The following XDH variants were observed in gnomAD, a reference collection of about 807,000 sequenced individuals.
XDH encodes the protein xanthine dehydrogenase/oxidase.
Under a neutral mutation model 156.1 loss-of-function variants are expected in XDH, and 138 were observed. The observed-to-expected ratio is 0.88, with a 90% CI of 0.77 to 1.02. XDH has a LOEUF of 1.02. XDH is among the 50% of genes least tolerant of loss of function. XDH has a pLI of 0.00. For synonymous variants in XDH, 669 were observed against 625.7 expected, an observed-to-expected ratio of 1.07 and a Z score of -1.03; for missense variants, 1,849 against 1,684.9, an observed-to-expected ratio of 1.10 and a Z score of -1.71.
rs563200407 is a variant in XDH, at chr2:31,347,083, G to C, written c.3277-240C>G. On this transcript the variant is annotated intron_variant, in intron 29 of 35. Transcript: ENST00000379416. ...CACTTCCTGACTCAATTCTTAGGCTGACAGAGGGCGAAATGTTTGAGGGAT... is the reference window on the plus strand; with the variant it reads ...CACTTCCTGACTCAATTCTTAGGCTCACAGAGGGCGAAATGTTTGAGGGAT... Among the ~76,000 whole-genome samples, 4 of 152,290 alleles carry C rather than the reference G, an allele frequency of 2.6e-5. No homozygotes were observed. In the East Asian group the frequency reaches 7.7e-4, roughly 29 times the overall value.
intron 17 of XDH, among the ~76,000 whole-genome samples, chr2:31,371,772 G>GAGC (rs1686078686): frequency 6.6e-6 from 1 of 152,062 alleles, no homozygotes; most frequent in Non-Finnish European, 1.5e-5. Flanking sequence ...TCCAAACTAG[G>GAGC]AGCAGCAGCA....
Position 31,388,222 on chromosome 2 carries a change from C to A in XDH, c.564+5G>T. ...AGGCTTCCAGGGGGAGAAGAACTCA[C>A]TTACTGAGTGGTCTTTCTTCTGGTT... On this transcript the variant is annotated splice_donor_5th_base_variant and intron_variant, in intron 7 of 35. Transcript: ENST00000379416. 6.2e-7 allele frequency: 1 copy of A among 1,614,198 alleles called. No individual in the cohort carries two copies. Among genetic ancestry groups the A allele is most frequent in the Non-Finnish European group, 8.5e-7 (1 of 1,180,010 alleles).
chr2:31,373,877 A>C lies in XDH; in HGVS notation c.1682T>G (p.Phe561Cys). 1 of 1,613,806 alleles carries C rather than the reference A, an allele frequency of 6.2e-7. No homozygotes were observed. The highest frequency in any genetic ancestry group is 8.5e-7 in the Non-Finnish European group (1 of 1,179,798). Residue 561 changes from phenylalanine to cysteine, a missense_variant, in exon 16 of 36, where the codon TTC becomes TGC. Phe to Cys is a radical substitution (Grantham distance 205). Coordinates refer to ENST00000379416, the MANE Select transcript of XDH (RefSeq NM_000379.4). ...QKDPPADVQL[F>C]QEVPKGQSEE... ...CCATACACTGACCGTACTCACTTGG[A>C]AGAGCTGGACATCGGCTGGGGGGTC... is the stretch of plus-strand genomic sequence containing the variant.
chr2:31,364,505 G>C (rs745940984), intron 23 of XDH, among the ~76,000 whole-genome samples: 1 of 151,906 alleles, frequency 6.6e-6, no homozygotes, highest in Non-Finnish European at 1.5e-5. Flanking sequence ...TCCTGCTACC[G>C]GCACCTGGCT....
intron 20 of XDH, 33 bp downstream of exon 20, chr2:31,367,928 C>T: frequency 6.2e-7 from 1 of 1,601,048 alleles, no homozygotes; most frequent in South Asian, 1.1e-5. Context: ...ACCAGGGCCA[C>T]CCCATTCCCA....
chr2:31,400,034 C>T (rs994283933), intron 4 of XDH, among the ~76,000 whole-genome samples: 4 of 152,064 alleles, frequency 2.6e-5, no homozygotes, highest in Admixed American at 2.6e-4. Flanking sequence ...TAGTAATTTC[C>T]CCTCTTCCTG....
In XDH at chr2:31,397,654, G is replaced by A. The variant is rs199838031; in HGVS notation, c.495+14C>T. On this transcript the variant is annotated intron_variant, in intron 6 of 35. Coordinates refer to ENST00000379416, the MANE Select transcript of XDH (RefSeq NM_000379.4). ...TAGAAGCAGAGACACTGATGTTCTG[G>A]GGTCCCCACTTACCCTGGCAAAGGT... 154 of 1,614,104 alleles carry A rather than the reference G, an allele frequency of 9.5e-5. No homozygotes were observed. The East Asian group carries it at 2.9e-3, about 30-fold the overall frequency.
intron 35 of XDH, 70 bp from the exon 36 acceptor site, chr2:31,336,078 C>G: frequency 2.0e-6 from 3 of 1,517,324 alleles, no homozygotes; most frequent in Non-Finnish European, 2.7e-6. Context: ...TCTTGCATAC[C>G]TCACCTCCCA....
chr2:31,396,964 G>A (rs1289783845), intron 6 of XDH, among the ~76,000 whole-genome samples: 2 of 152,142 alleles, frequency 1.3e-5, no homozygotes, highest in Admixed American at 6.5e-5. Context: ...AACTCCCCTG[G>A]ACCCAGAATC....
At chr2:31,372,443 G>A (rs749132183) in intron 16 of XDH, 46 bp from the exon 17 acceptor site, 3 of 1,612,508 alleles carry the variant, frequency 1.9e-6, no homozygotes, top group African/African-American at 2.7e-5. Flanking sequence ...CAAGGACACT[G>A]CCCCTCTATG....
At chr2:31,356,540 C>T (rs1288871059) in intron 24 of XDH, among the ~76,000 whole-genome samples, 1 of 152,162 alleles carries the variant, frequency 6.6e-6, no homozygotes, top group Non-Finnish European at 1.5e-5. Context: ...AGAGATTGGA[C>T]TGATGCAACC....
rs376738948 is a variant in XDH at position 31,343,304 on chromosome 2, A to G, written c.3405-1007T>C. On this transcript the variant is annotated intron_variant, in intron 31 of 35. Coordinates refer to ENST00000379416, the MANE Select transcript of XDH (RefSeq NM_000379.4). ...CTTCACCATATATATATATATATATATATATATATATATATATATATATGC... is the reference window on the plus strand; with the variant it reads ...CTTCACCATATATATATATATATATGTATATATATATATATATATATATGC... Among the ~76,000 whole-genome samples, 11 of 101,400 alleles carry G rather than the reference A, an allele frequency of 1.1e-4. 1 individual carries two copies. The highest frequency in any genetic ancestry group is 1.0e-3 in the East Asian group (4 of 3,920). 66.5% of individuals were successfully genotyped at this position (101,400 alleles called of 152,430 possible). A position where few individuals can be genotyped will look rare whatever the true frequency, so the allele number is the denominator to read the frequency against.
intron 24 of XDH, among the ~76,000 whole-genome samples, chr2:31,351,210 C>T (rs1439139672): frequency 6.6e-6 from 1 of 152,180 alleles, no homozygotes; most frequent in African/African-American, 2.4e-5. Flanking sequence ...ACATTACTTA[C>T]AGCTGAACCA....
At chr2:31,388,137 C>T in intron 7 of XDH, 90 bp downstream of exon 7, 1 of 1,456,476 alleles carries the variant, frequency 6.9e-7, no homozygotes, top group Non-Finnish European at 9.6e-7. Flanking sequence ...CCTCTTCCAG[C>T]CCCCACCGCC....
intron 1 of XDH, 58 bp downstream of exon 1, chr2:31,414,567 G>T: frequency 6.2e-7 from 1 of 1,605,692 alleles, no homozygotes; most frequent in South Asian, 1.1e-5. Context: ...TCTGCCAGAG[G>T]ACACATTTCC....
chr2:31,409,152 G>A (rs1687275876), intron 1 of XDH, among the ~76,000 whole-genome samples: 1 of 152,088 alleles, frequency 6.6e-6, no homozygotes, highest in Admixed American at 6.6e-5. Flanking sequence ...AGGGTAGTAG[G>A]GGGTAAGAGG....
Position 31,373,875 on chromosome 2 carries a change from G to A in XDH, c.1684C>T (p.Gln562Ter). 1 of 1,613,728 alleles carries A rather than the reference G, an allele frequency of 6.2e-7. No individual in the cohort carries two copies. Residue 562 changes from glutamine to a stop codon, truncating the protein, a stop_gained and splice_region_variant, in exon 16 of 36, where the codon CAA (glutamine) becomes TAA (stop). Coordinates refer to ENST00000379416, the MANE Select transcript of XDH (RefSeq NM_000379.4). LOFTEE classifies it high-confidence loss of function. ...AGCCATACACTGACCGTACTCACTT[G>A]GAAGAGCTGGACATCGGCTGGGGGG... ...KDPPADVQLF[Q>*]EVPKGQSEED...
chr2:31,337,159 CTA>C (rs1328526924), intron 35 of XDH, among the ~76,000 whole-genome samples: 1 of 152,082 alleles, frequency 6.6e-6, no homozygotes, highest in Non-Finnish European at 1.5e-5. Flanking sequence ...TCAAGGACAT[CTA>C]TGTGTCCCCA....
intron 9 of XDH, among the ~76,000 whole-genome samples, chr2:31,384,673 GC>G (rs926661025): frequency 2.6e-5 from 4 of 152,106 alleles, no homozygotes; most frequent in African/African-American, 7.2e-5. Flanking sequence ...TGACCTCTTT[GC>G]CCCCCCTTCC....
Sources: allele counts gnomAD v4.1 joint callset (sites outside exome capture counted in the v4.1 genomes callset), GRCh38; gene constraint gnomAD v4.1.1; transcripts MANE v1.5; gene names NCBI Gene and HGNC (gene_info 2026-07-23, HGNC 2026-07-21).